LRRC8A: variants seen among roughly 807,000 people sequenced by gnomAD.
LRRC8A encodes volume-regulated anion channel subunit LRRC8A.
LRRC8A carries 24 observed loss-of-function variants against 52.5 expected under a neutral mutation model. The ratio of observed to expected loss-of-function variants is 0.46; its 90% CI spans 0.33 to 0.64. The LOEUF (loss-of-function observed/expected upper bound fraction) is 0.64, where lower values mean the gene tolerates loss of function less well. LRRC8A is among the 30% of genes least tolerant of loss of function. The probability of loss-of-function intolerance (pLI) is 0.02; values close to 1 mark genes in which losing one functional copy is unlikely to be tolerated. For missense variants in LRRC8A, 677 were observed against 1,094.7 expected (o/e 0.62, Z 5.38); for synonymous variants, 492 against 494.2 (o/e 1.00, Z 0.06).
intron 3 of LRRC8A, among the ~76,000 whole-genome samples, chr9:128,913,837 C>G (rs1376656882): frequency 6.6e-6 from 1 of 152,234 alleles, no homozygotes; most frequent in Admixed American, 6.5e-5. Flanking sequence ...AAGCCAACCC[C>G]AAATGCATTC....
chr9:128,883,380 C>G (rs4836632), intron 1 of LRRC8A, among the ~76,000 whole-genome samples: 95,237 of 152,184 alleles, frequency 0.63, 31,658 homozygotes, highest in Admixed American at 0.75. Flanking sequence ...CTGTAAGAAG[C>G]GGGAGGAGAT....
At chr9:128,887,706 A>G (rs973989933) in intron 2 of LRRC8A, among the ~76,000 whole-genome samples, 8 of 152,002 alleles carry the variant, frequency 5.3e-5, no homozygotes, top group African/African-American at 1.7e-4. Flanking sequence ...CAGTGGCACA[A>G]TCTCAGCTCA....
At chr9:128,885,911 A>G (rs1054459608) in intron 1 of LRRC8A, 104 bp from the exon 2 acceptor site, 2 of 152,214 alleles carry the variant, frequency 1.3e-5, no homozygotes, top group Non-Finnish European at 2.9e-5. Flanking sequence ...GAGCCCAGCC[A>G]AGGGCCTGCT....
intron 2 of LRRC8A, among the ~76,000 whole-genome samples, chr9:128,906,273 C>G (rs1467756511): frequency 2.7e-5 from 4 of 150,004 alleles, no homozygotes; most frequent in Non-Finnish European, 5.9e-5. Flanking sequence ...GGATTACAGG[C>G]TAGGATTACA....
chr9:128,885,802 G>A (rs1389455772), intron 1 of LRRC8A, among the ~76,000 whole-genome samples: 3 of 152,144 alleles, frequency 2.0e-5, no homozygotes, highest in East Asian at 3.8e-4. Flanking sequence ...CCATCTACTC[G>A]AGAGGCTGAG....
Position 128,913,418 on chromosome 9 carries a change from A to T in LRRC8A, c.2158-2678A>T, listed in dbSNP as rs117460230. On this transcript the variant is annotated intron_variant, in intron 3 of 3. Transcript: ENST00000372600. ...CTCTGGGGAGGTAGGAGAGGGTGCA[A>T]TTGGGGGATTGGGAACCAACTTCAA... 7.2e-5 allele frequency among the ~76,000 whole-genome samples: 11 copies of T among 152,116 alleles called. No individual in the cohort carries two copies. In the South Asian group the frequency reaches 2.1e-3, roughly 29 times the overall value.
rs768086631 is a variant in LRRC8A, at chr9:128,882,144, T to C, written c.-222T>C. The C allele has an allele frequency of 2.0e-5, 3 of 152,018 alleles. No homozygotes were observed. Among genetic ancestry groups the C allele is most frequent in the African/African-American group, 7.3e-5 (3 of 41,302 alleles). The allele number at this position is 152,018 out of a possible 1,614,324, so 9.4% of individuals were successfully genotyped here. A position where few individuals can be genotyped will look rare whatever the true frequency, so the allele number is the denominator to read the frequency against. On this transcript the variant is annotated 5_prime_UTR_variant, in exon 1 of 4. Transcript: ENST00000372600. ...GGGCGGAGGAGGCTGAGTGGTGCAG[T>C]GAGGGACAAACAAAAGGAGGCGCCG...
At chr9:128,901,061 T>C (rs1275400035) in intron 2 of LRRC8A, among the ~76,000 whole-genome samples, 1 of 152,118 alleles carries the variant, frequency 6.6e-6, no homozygotes, top group East Asian at 1.9e-4. Flanking sequence ...TAATCCCAGC[T>C]ACTCCAGAGG....
At chr9:128,901,776 C>T (rs1191662166) in intron 2 of LRRC8A, among the ~76,000 whole-genome samples, 1 of 152,128 alleles carries the variant, frequency 6.6e-6, no homozygotes. Context: ...TCGGCAAGAG[C>T]CGTGTGGGAG....
chr9:128,903,305 C>T (rs529288227), intron 2 of LRRC8A, among the ~76,000 whole-genome samples: 2 of 152,204 alleles, frequency 1.3e-5, no homozygotes, highest in Non-Finnish European at 2.9e-5. Context: ...CCCATTCCAC[C>T]TGCCTCACAT....
At chr9:128,906,565 C>T (rs1840260223) in intron 2 of LRRC8A, among the ~76,000 whole-genome samples, 4 of 152,106 alleles carry the variant, frequency 2.6e-5, no homozygotes, top group Admixed American at 2.6e-4. Flanking sequence ...TCAGGTGATC[C>T]ACCCACCTCG....
At chr9:128,909,470 T>C in intron 3 of LRRC8A, 149 bp downstream of exon 3, 2 of 765,132 alleles carry the variant, frequency 2.6e-6, no homozygotes, top group Non-Finnish European at 4.2e-6. Flanking sequence ...CCATCCAGGA[T>C]AGAAGCTCTG....
rs1223690719 is a variant in LRRC8A at position 128,902,983 on chromosome 9, G to A, written c.-8-4174G>A. 1.3e-5 allele frequency among the ~76,000 whole-genome samples: 2 copies of A among 152,194 alleles called. No homozygotes were observed. The highest frequency in any genetic ancestry group is 6.5e-5 in the Admixed American group (1 of 15,286). ...TCCCAGTCCTGTTTCTCTTGGCACC[G>A]CCTGGGTGAGACCTTGGGCAGGCGG... On this transcript the variant is annotated intron_variant, in intron 2 of 3. Coordinates refer to ENST00000372600, the MANE Select transcript of LRRC8A (RefSeq NM_019594.4). This position sits in a 1 kb window ranked among gnomAD's most constrained non-coding sequence, Gnocchi z 4.1.
Position 128,916,670 on chromosome 9 carries a change from G to A in LRRC8A, c.*299G>A. 1 of 343,214 alleles carries A rather than the reference G, an allele frequency of 2.9e-6. No homozygotes were observed. The highest frequency in any genetic ancestry group is 4.2e-5 in the Admixed American group (1 of 23,588). 21.3% of individuals were successfully genotyped at this position (343,214 alleles called of 1,614,324 possible). A position where few individuals can be genotyped will look rare whatever the true frequency, so the allele number is the denominator to read the frequency against. The stretch of plus-strand genomic sequence containing the variant: ...CCCTGGAGGCCAGCTCTGCCCCAGG[G>A]GCTGAGCTGCCACCAGAGGTCCTGG... On this transcript the variant is annotated 3_prime_UTR_variant, in exon 4 of 4. Transcript: ENST00000372600. The surrounding 1 kb of genome is among the most constrained non-coding windows in gnomAD (Gnocchi z 6.1).
chr9:128,900,701 G>A (rs1330956001), intron 2 of LRRC8A, among the ~76,000 whole-genome samples: 2 of 152,136 alleles, frequency 1.3e-5, no homozygotes, highest in South Asian at 2.1e-4. Context: ...TTGAGACTCC[G>A]TCTCAAAATA....
At position 128,904,094 on chromosome 9, in the gene LRRC8A, G is replaced by A. The variant is rs187017111; in HGVS notation, c.-8-3063G>A. ...CATTATCAGTAATCAAAGAAAGGTG[G>A]CCCATCATCTGGGCACCCCTGTTCC... On this transcript the variant is annotated intron_variant, in intron 2 of 3. Transcript: ENST00000372600. 2.6e-5 allele frequency among the ~76,000 whole-genome samples: 4 copies of A among 152,206 alleles called. No homozygotes were observed. The East Asian group carries it at 7.7e-4, about 29-fold the overall frequency.
chr9:128,901,880 CA>C lies in LRRC8A; in HGVS notation c.-8-5275del, dbSNP rs574582050. ...TCCTTTCCCCACACCCTTGGGAACTCAACCCTGGATTTGGTGCCTGCACCCT... is the reference window on the plus strand; with the variant it reads ...TCCTTTCCCCACACCCTTGGGAACTCACCCTGGATTTGGTGCCTGCACCCT... On this transcript the variant is annotated intron_variant, in intron 2 of 3. Coordinates refer to ENST00000372600, the MANE Select transcript of LRRC8A (RefSeq NM_019594.4). 3.2e-3 allele frequency among the ~76,000 whole-genome samples: 495 copies of C among 152,338 alleles called. 2 individuals carry two copies. The highest frequency in any genetic ancestry group is 0.011 in the African/African-American group (459 of 41,582).
Position 128,916,345 on chromosome 9 carries a change from T to C in LRRC8A, c.2407T>C (p.Trp803Arg), listed in dbSNP as rs1214570653. Reference protein sequence around the residue: ...TLPPEVKERLWRADKEQA With the variant: ...TLPPEVKERLRRADKEQA ...GCCACCCGAGGTGAAGGAGCGGCTG[T>C]GGAGGGCTGACAAGGAGCAGGCCTG... Residue 803 changes from tryptophan to arginine, a missense_variant, in exon 4 of 4, where the codon TGG (tryptophan) becomes CGG (arginine). Physicochemically the swap from Trp to Arg is moderately radical, Grantham distance 101. Transcript: ENST00000372600. The surrounding 1 kb of genome is among the most constrained non-coding windows in gnomAD (Gnocchi z 6.1). 1 of 1,611,608 alleles carries C rather than the reference T, an allele frequency of 6.2e-7. No homozygotes were observed.
Position 128,908,664 on chromosome 9 carries a change from C to A in LRRC8A, c.1500C>A (p.Ile500=), listed in dbSNP as rs778685359. 1.2e-6 allele frequency: 2 copies of A among 1,612,910 alleles called. No individual in the cohort carries two copies. The highest frequency in any genetic ancestry group is 2.2e-5 in the South Asian group (2 of 91,076). The change falls in exon 3 of 4, where the codon ATC becomes ATA. Residue 500 remains isoleucine, a synonymous_variant. Transcript: ENST00000372600. ...GTGAGAACCTGCGGGCGCTGCACAT[C>A]AAGTTCACCGACATCAAGGAGATCC... is the stretch of plus-strand genomic sequence containing the variant. ...FLRENLRALH[I]KFTDIKEIPL...
Sources: allele counts gnomAD v4.1 joint callset (sites outside exome capture counted in the v4.1 genomes callset), GRCh38; gene constraint gnomAD v4.1.1; non-coding constraint Gnocchi (gnomAD v3.1); transcripts MANE v1.5; gene names NCBI Gene and HGNC (gene_info 2026-07-23, HGNC 2026-07-21).